MACROD2: variants seen among roughly 807,000 people sequenced by gnomAD.
MACROD2 encodes ADP-ribose glycohydrolase MACROD2.
In MACROD2, 36 loss-of-function variants were observed where a neutral mutation model predicts 70.4. The observed-to-expected ratio is 0.51, with a 90% CI of 0.39 to 0.68. MACROD2 has a LOEUF of 0.68. MACROD2 is among the 30% of genes least tolerant of loss of function. The probability of loss-of-function intolerance (pLI) is 0.00; values close to 1 mark genes in which losing one functional copy is unlikely to be tolerated. For missense variants in MACROD2, 496 were observed against 538.4 expected (o/e 0.92, Z 0.78); for synonymous variants, 172 against 178.8 (o/e 0.96, Z 0.30).
At chr20:15,525,614 T>G (rs1221527079) in intron 8 of MACROD2, among the ~76,000 whole-genome samples, 1 of 152,244 alleles carries the variant, frequency 6.6e-6, no homozygotes, top group Admixed American at 6.5e-5. Context: ...ACTAGGACTT[T>G]CTTATGCATC....
At chr20:15,780,683 A>T (rs1376303450) in intron 8 of MACROD2, among the ~76,000 whole-genome samples, 1 of 152,062 alleles carries the variant, frequency 6.6e-6, no homozygotes, top group Non-Finnish European at 1.5e-5. Flanking sequence ...GGCAAAATGG[A>T]AGTTCATTGG....
At position 15,301,744 on chromosome 20, in the gene MACROD2, C is replaced by G. The variant is rs185286291; in HGVS notation, c.540+71683C>G. Among the ~76,000 whole-genome samples, 35 of 151,862 alleles carry G rather than the reference C, an allele frequency of 2.3e-4. No individual in the cohort carries two copies. In the East Asian group the frequency reaches 5.8e-3, roughly 25 times the overall value. On this transcript the variant is annotated intron_variant, in intron 6 of 17. Transcript: ENST00000684519. ...AATGCACCTGCCTAAAATTATATCT[C>G]TTAAAGAAGTGATTTGTCTTTCAGA...
intron 3 of MACROD2, among the ~76,000 whole-genome samples, chr20:14,251,842 G>T (rs2082015180): frequency 6.6e-6 from 1 of 151,998 alleles, no homozygotes; most frequent in Non-Finnish European, 1.5e-5. Context: ...AAAAACCAAA[G>T]GAGTTTAAGG....
chr20:14,543,865 A>G (rs1163558962), intron 4 of MACROD2, among the ~76,000 whole-genome samples: 3 of 152,180 alleles, frequency 2.0e-5, no homozygotes, highest in African/African-American at 7.2e-5. Flanking sequence ...TCTCTTTCCT[A>G]TCAGTCTCCT....
At chr20:14,117,585 G>A (rs1914224212) in intron 3 of MACROD2, among the ~76,000 whole-genome samples, 1 of 152,150 alleles carries the variant, frequency 6.6e-6, no homozygotes, top group South Asian at 2.1e-4. Flanking sequence ...TATATTCACA[G>A]CATAGCTTTT....
At chr20:15,842,749 A>T (rs7353332) in intron 8 of MACROD2, among the ~76,000 whole-genome samples, 1 of 141,852 alleles carries the variant, frequency 7.0e-6, no homozygotes, top group South Asian at 2.4e-4. Flanking sequence ...TAGATAGAGA[A>T]ATAGACAGAC....
At chr20:15,532,073 G>A (rs975496767) in intron 8 of MACROD2, among the ~76,000 whole-genome samples, 4 of 151,988 alleles carry the variant, frequency 2.6e-5, no homozygotes, top group South Asian at 4.1e-4. Context: ...TAAGAACTTA[G>A]TATATGTAGT....
At chr20:14,729,302 C>T (rs1008994782) in intron 5 of MACROD2, among the ~76,000 whole-genome samples, 1 of 152,106 alleles carries the variant, frequency 6.6e-6, no homozygotes, top group Non-Finnish European at 1.5e-5. Context: ...CAAGAACTTC[C>T]ATTTCTAATG....
At position 15,473,342 on chromosome 20, in the gene MACROD2, A is replaced by G. The variant is rs143649822; in HGVS notation, c.572-26432A>G. On this transcript the variant is annotated intron_variant, in intron 7 of 17. Transcript: ENST00000684519. ...GTACAGACTAGGGTATAGAGTAGGC[A>G]TTCAAAAATATTTGCACAGTGAAAG... Among the ~76,000 whole-genome samples, 507 of 152,320 alleles carry G rather than the reference A, an allele frequency of 3.3e-3. 3 individuals carry two copies. Among genetic ancestry groups the G allele is most frequent in the African/African-American group, 0.012 (487 of 41,552 alleles).
intron 8 of MACROD2, among the ~76,000 whole-genome samples, chr20:15,715,359 C>G (rs1306268573): frequency 6.6e-6 from 1 of 152,092 alleles, no homozygotes; most frequent in East Asian, 1.9e-4. Context: ...TTTTGCAACC[C>G]TGATCTTACT....
In MACROD2 at chr20:14,789,695, C is replaced by T. The variant is rs73612378; in HGVS notation, c.418+104736C>T. On this transcript the variant is annotated intron_variant, in intron 5 of 17. Transcript: ENST00000684519. ...TTCACTATGTTAGCCAGGTTGTTCT[C>T]GAACTCCTGACCTCAGGTGATCCTC... Among the ~76,000 whole-genome samples, 180 of 151,676 alleles carry T rather than the reference C, an allele frequency of 1.2e-3. No homozygotes were observed. In the East Asian group the frequency reaches 0.013, roughly 11 times the overall value.
At chr20:15,390,398 C>T (rs866812186) in intron 6 of MACROD2, among the ~76,000 whole-genome samples, 2 of 152,134 alleles carry the variant, frequency 1.3e-5, no homozygotes, top group African/African-American at 4.8e-5. Context: ...TTATTACCAT[C>T]TAAATAATGT....
chr20:14,804,228 G>T (rs1164123181), intron 5 of MACROD2, among the ~76,000 whole-genome samples: 2 of 151,594 alleles, frequency 1.3e-5, no homozygotes, highest in African/African-American at 2.4e-5. Context: ...GGAATAGGTC[G>T]TTATTTGGCT....
intron 3 of MACROD2, among the ~76,000 whole-genome samples, chr20:14,239,947 A>C (rs2081914123): frequency 6.6e-6 from 1 of 152,234 alleles, no homozygotes; most frequent in Non-Finnish European, 1.5e-5. Context: ...CAAGGCTCTT[A>C]TATCCGGAAT....
At chr20:15,014,697 G>T (rs11905979) in intron 5 of MACROD2, among the ~76,000 whole-genome samples, 24,363 of 152,018 alleles carry the variant, frequency 0.16, 2,165 homozygotes, top group African/African-American at 0.22. Flanking sequence ...GCATTGCATA[G>T]TCACACATTC....
In MACROD2 at chr20:15,050,533, C is replaced by CTTTTTT. The variant is rs386393390; in HGVS notation, c.419-179386_419-179381dup. Among the ~76,000 whole-genome samples, 33 of 77,896 alleles carry CTTTTTT rather than the reference C, an allele frequency of 4.2e-4. 5 individuals carry two copies. Among genetic ancestry groups the CTTTTTT allele is most frequent in the African/African-American group, 1.9e-3 (31 of 16,044 alleles). The allele number at this position is 77,896 out of a possible 152,430, so 51.1% of individuals were successfully genotyped here. A position where few individuals can be genotyped will look rare whatever the true frequency, so the allele number is the denominator to read the frequency against. ...GTCTTTTTACACTTTCTATTTAGGT[C>CTTTTTT]TTTTTTTTTTTTTTTTTTTTTTTTT... On this transcript the variant is annotated intron_variant, in intron 5 of 17. Coordinates refer to ENST00000684519, the MANE Select transcript of MACROD2 (RefSeq NM_001351661.2).
chr20:15,257,254 T>C lies in MACROD2; in HGVS notation c.540+27193T>C, dbSNP rs151064730. Among the ~76,000 whole-genome samples, 542 of 152,124 alleles carry C rather than the reference T, an allele frequency of 3.6e-3. 3 individuals carry two copies. Among genetic ancestry groups the C allele is most frequent in the African/African-American group, 0.012 (514 of 41,536 alleles). On this transcript the variant is annotated intron_variant, in intron 6 of 17. Transcript: ENST00000684519. ...TTATGTCATGCGAAATGAATGTTAA[T>C]AAATCCTATTTAGTCACACAGATGC...
At chr20:14,802,519 A>G (rs1393264268) in intron 5 of MACROD2, among the ~76,000 whole-genome samples, 2 of 152,046 alleles carry the variant, frequency 1.3e-5, no homozygotes, top group Non-Finnish European at 2.9e-5. Context: ...AGTCACACAT[A>G]CGCAATTATT....
chr20:15,793,141 G>GCGTGTGTGTGTGCATGCA (rs1393582279), intron 8 of MACROD2, among the ~76,000 whole-genome samples: 2 of 152,094 alleles, frequency 1.3e-5, no homozygotes, highest in African/African-American at 2.4e-5. Context: ...GTGTGCATGC[G>GCGTGTGTGTGTGCATGCA]CATGTGTGTG....
Sources: allele counts gnomAD v4.1 joint callset (sites outside exome capture counted in the v4.1 genomes callset), GRCh38; gene constraint gnomAD v4.1.1; transcripts MANE v1.5; gene names NCBI Gene and HGNC (gene_info 2026-07-23, HGNC 2026-07-21).